The following SLX4IP variants were observed in gnomAD, a reference collection of about 807,000 sequenced individuals.
SLX4IP encodes protein SLX4IP.
Under a neutral mutation model 32.9 loss-of-function variants are expected in SLX4IP, and 34 were observed. The ratio of observed to expected loss-of-function variants is 1.03; its 90% CI spans 0.79 to 1.38. SLX4IP has a LOEUF of 1.38. Among genes scored for constraint, SLX4IP ranks in the 40% most tolerant of loss-of-function variants. The probability of loss-of-function intolerance (pLI) is 0.00; values close to 1 mark genes in which losing one functional copy is unlikely to be tolerated. For missense variants in SLX4IP, 444 were observed against 479.0 expected (o/e 0.93, Z 0.68); for synonymous variants, 172 against 171.7 (o/e 1.00, Z -0.01).
chr20:10,506,001 C>G (rs1225374253), intron 2 of SLX4IP, among the ~76,000 whole-genome samples: 1 of 152,166 alleles, frequency 6.6e-6, no homozygotes, highest in Non-Finnish European at 1.5e-5. Flanking sequence ...AGCATAGTCT[C>G]TGGCCACTTA....
chr20:10,547,239 A>G (rs1158082735), intron 2 of SLX4IP, among the ~76,000 whole-genome samples: 1 of 152,064 alleles, frequency 6.6e-6, no homozygotes, highest in Non-Finnish European at 1.5e-5. Context: ...GCTGCTGTCA[A>G]AGTCATTTGT....
rs2065515479 is a variant in SLX4IP, at chr20:10,480,901, A to G, written c.27+22670A>G. 1.3e-5 allele frequency among the ~76,000 whole-genome samples: 2 copies of G among 152,206 alleles called. 1 individual carries two copies. Among genetic ancestry groups the G allele is most frequent in the African/African-American group, 4.8e-5 (2 of 41,458 alleles). On this transcript the variant is annotated intron_variant, in intron 2 of 7. Transcript: ENST00000334534. The stretch of plus-strand genomic sequence containing the variant: ...TTTCTTTCTCTCAGAGCTTTGTAAC[A>G]ACATTTTCACCACTATTATCTGATA...
rs534938185 is a variant in SLX4IP at position 10,591,673 on chromosome 20, A to G, written c.239-7002A>G. On this transcript the variant is annotated intron_variant, in intron 4 of 7. Transcript: ENST00000334534. Reference sequence around the variant, plus strand: ...TATTATATTATTCTTATCATTATGCATGGCCTGGCAGAGTTATGATTGTGG... The same window carrying G: ...TATTATATTATTCTTATCATTATGCGTGGCCTGGCAGAGTTATGATTGTGG... 6.0e-4 allele frequency among the ~76,000 whole-genome samples: 91 copies of G among 152,376 alleles called. 1 individual carries two copies. The highest frequency in any genetic ancestry group is 2.2e-3 in the African/African-American group (90 of 41,588).
At chr20:10,576,103 T>C (rs1568750179) in intron 4 of SLX4IP, among the ~76,000 whole-genome samples, 1 of 152,212 alleles carries the variant, frequency 6.6e-6, no homozygotes, top group Non-Finnish European at 1.5e-5. Flanking sequence ...CTAATTATTC[T>C]AATTATTTGG....
At chr20:10,533,334 G>A (rs931129054) in intron 2 of SLX4IP, among the ~76,000 whole-genome samples, 3 of 151,972 alleles carry the variant, frequency 2.0e-5, no homozygotes, top group Admixed American at 6.6e-5. Context: ...ACAGAGTCTT[G>A]CTCTGTCGCC....
chr20:10,489,035 T>C (rs960861189), intron 2 of SLX4IP, among the ~76,000 whole-genome samples: 8 of 152,200 alleles, frequency 5.3e-5, no homozygotes, highest in African/African-American at 1.9e-4. Flanking sequence ...TGATTTCTTT[T>C]AGACGTCCAC....
At chr20:10,528,397 A>C (rs930554169) in intron 2 of SLX4IP, among the ~76,000 whole-genome samples, 3 of 152,084 alleles carry the variant, frequency 2.0e-5, no homozygotes, top group South Asian at 4.2e-4. Flanking sequence ...TGGGATTTGC[A>C]CCTTTCACAG....
At chr20:10,511,176 C>G (rs1474730270) in intron 2 of SLX4IP, among the ~76,000 whole-genome samples, 1 of 152,174 alleles carries the variant, frequency 6.6e-6, no homozygotes, top group African/African-American at 2.4e-5. Context: ...ATATGTTGTT[C>G]TCATAATCTG....
intron 2 of SLX4IP, among the ~76,000 whole-genome samples, chr20:10,476,611 C>T (rs867605909): frequency 6.6e-6 from 1 of 152,184 alleles, no homozygotes; most frequent in African/African-American, 2.4e-5. Context: ...GATTCTCCAC[C>T]TGCCATGACA....
chr20:10,436,072 C>T (rs2065110402), intron 1 of SLX4IP, among the ~76,000 whole-genome samples: 1 of 151,850 alleles, frequency 6.6e-6, no homozygotes, highest in South Asian at 2.1e-4. Context: ...ATTTTTTTGG[C>T]CGGGTGTAGG....
intron 2 of SLX4IP, among the ~76,000 whole-genome samples, chr20:10,544,625 A>G (rs978218559): frequency 6.6e-6 from 1 of 152,036 alleles, no homozygotes; most frequent in African/African-American, 2.4e-5. Flanking sequence ...GGACTCAAGC[A>G]ATCTGTCCGC....
At chr20:10,491,716 G>A (rs1321168029) in intron 2 of SLX4IP, among the ~76,000 whole-genome samples, 1 of 152,046 alleles carries the variant, frequency 6.6e-6, no homozygotes, top group Non-Finnish European at 1.5e-5. Context: ...TGGAAACTAT[G>A]AGGCATAATT....
At chr20:10,537,420 C>T (rs1429740786) in intron 2 of SLX4IP, among the ~76,000 whole-genome samples, 1 of 152,212 alleles carries the variant, frequency 6.6e-6, no homozygotes, top group Non-Finnish European at 1.5e-5. Flanking sequence ...GTAATGAATA[C>T]TTACAAAGGA....
At chr20:10,608,170 C>A (rs558313319) in intron 6 of SLX4IP, among the ~76,000 whole-genome samples, 117 of 152,232 alleles carry the variant, frequency 7.7e-4, no homozygotes, top group African/African-American at 2.8e-3. Context: ...GGGAATAGAA[C>A]AACTGGAAAA....
intron 2 of SLX4IP, among the ~76,000 whole-genome samples, chr20:10,526,400 T>A (rs1046250065): frequency 6.6e-6 from 1 of 152,216 alleles, no homozygotes; most frequent in African/African-American, 2.4e-5. Flanking sequence ...GCTGTCATGA[T>A]CCTTTTTGGG....
rs191987410 is a variant in SLX4IP, at chr20:10,529,021, C to T, written c.28-27210C>T. ...GTACAAGGAAAGAAAGGTAGTGATA[C>T]GTCAGTGAATTGTTCAGATGGGTTT... On this transcript the variant is annotated intron_variant, in intron 2 of 7. Coordinates refer to ENST00000334534, the MANE Select transcript of SLX4IP (RefSeq NM_001009608.3). Among the ~76,000 whole-genome samples, 181 of 152,262 alleles carry T rather than the reference C, an allele frequency of 1.2e-3. 5 individuals are homozygous for T. In the South Asian group the frequency reaches 0.013, roughly 11 times the overall value.
intron 1 of SLX4IP, among the ~76,000 whole-genome samples, chr20:10,438,119 C>T (rs1436368560): frequency 2.0e-5 from 3 of 152,066 alleles, no homozygotes; most frequent in East Asian, 1.9e-4. Context: ...ATGCAAATCA[C>T]CAGGGGAAAG....
At chr20:10,607,472 T>C (rs772909997) in intron 6 of SLX4IP, among the ~76,000 whole-genome samples, 4 of 152,172 alleles carry the variant, frequency 2.6e-5, no homozygotes, top group Non-Finnish European at 5.9e-5. Context: ...CACACTACTG[T>C]TTAGTGTGAA....
At chr20:10,563,100 G>A (rs536855446) in intron 4 of SLX4IP, among the ~76,000 whole-genome samples, 11 of 152,052 alleles carry the variant, frequency 7.2e-5, no homozygotes, top group Non-Finnish European at 1.3e-4. Flanking sequence ...TTTGATAATA[G>A]CCATCCTAAC....
Sources: gnomAD v4.1 joint callset for allele counts (sites outside exome capture counted in the v4.1 genomes callset) on GRCh38, gnomAD v4.1.1 for gene constraint, MANE v1.5 for transcripts, NCBI Gene and HGNC (gene_info 2026-07-23, HGNC 2026-07-21) for gene names.